The following PRKN variants were observed in gnomAD, a reference collection of about 807,000 sequenced individuals.
PRKN encodes E3 ubiquitin-protein ligase parkin.
In PRKN, 56 loss-of-function variants were observed where a neutral mutation model predicts 59.5. The observed-to-expected ratio is 0.94, with a 90% CI of 0.76 to 1.18. PRKN has a LOEUF of 1.18. Ranked by LOEUF, PRKN falls within the 50% of genes most tolerant of loss-of-function variation. The pLI is 0.00. For missense variants in PRKN, 657 were observed against 596.4 expected (o/e 1.10, Z -1.06); for synonymous variants, 250 against 222.1 (o/e 1.13, Z -1.12).
chr6:162,581,822 G>C (rs1358644301), intron 1 of PRKN, among the ~76,000 whole-genome samples: 1 of 152,136 alleles, frequency 6.6e-6, no homozygotes. Context: ...GTTAGGTAAA[G>C]TAAATTACTT....
intron 6 of PRKN, among the ~76,000 whole-genome samples, chr6:161,823,190 T>A (rs545618093): frequency 6.6e-6 from 1 of 151,962 alleles, no homozygotes; most frequent in African/African-American, 2.4e-5. Flanking sequence ...CTCTGCCTTG[T>A]TCCCCCAAAG....
intron 4 of PRKN, among the ~76,000 whole-genome samples, chr6:162,054,690 C>A (rs117874329): frequency 0.021 from 3,141 of 152,198 alleles, 34 homozygotes; most frequent in South Asian, 0.033. Flanking sequence ...CGAGGGGGTG[C>A]GCAGCAAGCT....
intron 4 of PRKN, among the ~76,000 whole-genome samples, chr6:162,128,227 A>G (rs1364835376): frequency 1.3e-5 from 2 of 152,204 alleles, no homozygotes; most frequent in South Asian, 2.1e-4. Context: ...TGCCTATCAC[A>G]TAACAGAAAA....
chr6:162,670,600 A>G (rs1779283710), intron 1 of PRKN, among the ~76,000 whole-genome samples: 1 of 152,166 alleles, frequency 6.6e-6, no homozygotes, highest in Admixed American at 6.5e-5. Context: ...CAAAGAGGTC[A>G]AGCTCTTGTA....
At chr6:161,830,190 C>T (rs1792426055) in intron 6 of PRKN, among the ~76,000 whole-genome samples, 1 of 152,120 alleles carries the variant, frequency 6.6e-6, no homozygotes, top group Non-Finnish European at 1.5e-5. Flanking sequence ...GGCCCTGGAA[C>T]CAGAGTCTCT....
intron 4 of PRKN, among the ~76,000 whole-genome samples, chr6:162,142,675 T>G (rs1781839314): frequency 6.6e-6 from 1 of 152,020 alleles, no homozygotes; most frequent in Admixed American, 6.6e-5. Flanking sequence ...CAAAATAGAG[T>G]AAACAAACAG....
intron 5 of PRKN, among the ~76,000 whole-genome samples, chr6:162,004,878 G>C (rs941772792): frequency 6.6e-6 from 1 of 152,194 alleles, no homozygotes; most frequent in Admixed American, 6.5e-5. Flanking sequence ...GTTGGGCTCA[G>C]TGGGATAAAT....
rs1296618086 is a variant in PRKN at position 161,473,209 on chromosome 6, G to A, written c.1083+75645C>T. On this transcript the variant is annotated intron_variant, in intron 9 of 11. Transcript: ENST00000366898. This position sits in a 1 kb window ranked among gnomAD's most constrained non-coding sequence, Gnocchi z 4.1. ...AGAGCTGCCTTCTTATGTTCACTGT[G>A]GCATTATTTACAATAGCAAGATATG... Among the ~76,000 whole-genome samples the A allele has an allele frequency of 2.0e-5, 3 of 151,958 alleles. No homozygotes were observed. The highest frequency in any genetic ancestry group is 7.2e-5 in the African/African-American group (3 of 41,392).
intron 7 of PRKN, among the ~76,000 whole-genome samples, chr6:161,681,638 C>T (rs149788015): frequency 2.2e-4 from 33 of 152,288 alleles, no homozygotes; most frequent in African/African-American, 6.5e-4. Context: ...CAGGTGGCTT[C>T]GCTCCTGGTT....
intron 1 of PRKN, among the ~76,000 whole-genome samples, chr6:162,527,634 G>A (rs1778342058): frequency 6.6e-6 from 1 of 152,070 alleles, no homozygotes; most frequent in Non-Finnish European, 1.5e-5. Flanking sequence ...AAAACTGATC[G>A]AATAAAAAAC....
chr6:162,103,042 CAAAAA>C (rs1163020488), intron 4 of PRKN, among the ~76,000 whole-genome samples: 6 of 54,334 alleles, frequency 1.1e-4, no homozygotes, highest in African/African-American at 1.3e-4. Context: ...GACTCTGTCT[CAAAAA>C]AAAAAAAAAA....
intron 5 of PRKN, among the ~76,000 whole-genome samples, chr6:161,976,524 G>A (rs567678122): frequency 7.3e-4 from 111 of 152,104 alleles, no homozygotes; most frequent in Non-Finnish European, 1.2e-3. Context: ...TTTTTGTTTG[G>A]TTATGTTTTG....
intron 2 of PRKN, among the ~76,000 whole-genome samples, chr6:162,317,243 G>A (rs945611693): frequency 6.6e-6 from 1 of 152,034 alleles, no homozygotes; most frequent in Non-Finnish European, 1.5e-5. Flanking sequence ...AGGGCCAGCT[G>A]GACATAATTG....
chr6:162,179,925 G>T (rs1274675949), intron 4 of PRKN, among the ~76,000 whole-genome samples: 1 of 143,664 alleles, frequency 7.0e-6, no homozygotes, highest in Non-Finnish European at 1.5e-5. Flanking sequence ...TCCTTTGACA[G>T]AAAAATTGTA....
At chr6:162,645,957 C>T (rs1287506562) in intron 1 of PRKN, among the ~76,000 whole-genome samples, 1 of 149,594 alleles carries the variant, frequency 6.7e-6, no homozygotes, top group African/African-American at 2.5e-5. Context: ...TCACTGCAAG[C>T]TCCACCTCCT....
At position 161,401,335 on chromosome 6, in the gene PRKN, G is replaced by T. The variant is rs1787041440; in HGVS notation, c.1084-14458C>A. Among the ~76,000 whole-genome samples, 1 of 152,164 alleles carries T rather than the reference G, an allele frequency of 6.6e-6. No homozygotes were observed. Among genetic ancestry groups the T allele is most frequent in the African/African-American group, 2.4e-5 (1 of 41,412 alleles). ...AATTTTAAAAGTTAGAGTTGGCCGG[G>T]CATGGTGGCTCACATCTGTAATCCC... On this transcript the variant is annotated intron_variant, in intron 9 of 11. Transcript: ENST00000366898. The surrounding 1 kb of genome is among the most constrained non-coding windows in gnomAD (Gnocchi z 4.4).
At chr6:161,833,852 C>G (rs1326025177) in intron 6 of PRKN, among the ~76,000 whole-genome samples, 1 of 152,136 alleles carries the variant, frequency 6.6e-6, no homozygotes, top group Non-Finnish European at 1.5e-5. Context: ...CTTTCGGTTT[C>G]CTACTAGATC....
Position 161,372,037 on chromosome 6 carries a change from C to T in PRKN, c.1168-11832G>A, listed in dbSNP as rs539847911. 4.6e-5 allele frequency among the ~76,000 whole-genome samples: 7 copies of T among 152,224 alleles called. No individual in the cohort carries two copies. The South Asian group carries it at 1.5e-3, about 32-fold the overall frequency. On this transcript the variant is annotated intron_variant, in intron 10 of 11. Transcript: ENST00000366898. The surrounding 1 kb of genome is among the most constrained non-coding windows in gnomAD (Gnocchi z 4.2). ...AGACGAGATCTTACAGAGTCTTGCC[C>T]CATGGGGCCCTAAATGCTTCCTAAA...
At chr6:161,941,046 A>G (rs1779546836) in intron 6 of PRKN, among the ~76,000 whole-genome samples, 1 of 152,212 alleles carries the variant, frequency 6.6e-6, no homozygotes, top group Non-Finnish European at 1.5e-5. Flanking sequence ...TGGTCGCTTT[A>G]ACCAATATGG....
Sources: gnomAD v4.1 joint callset for allele counts (sites outside exome capture counted in the v4.1 genomes callset) on GRCh38, gnomAD v4.1.1 for gene constraint, Gnocchi (gnomAD v3.1) non-coding constraint, MANE v1.5 for transcripts, NCBI Gene and HGNC (gene_info 2026-07-23, HGNC 2026-07-21) for gene names.